The following NEDD9 variants were observed in gnomAD, a reference collection of about 807,000 sequenced individuals.
NEDD9 encodes neural precursor cell expressed, developmentally down-regulated 9, also known as enhancer of filamentation 1.
Under a neutral mutation model 76.6 loss-of-function variants are expected in NEDD9, and 26 were observed. The ratio of observed to expected loss-of-function variants is 0.34; its 90% CI spans 0.25 to 0.47. The LOEUF is 0.47. NEDD9 is among the 20% of genes least tolerant of loss of function. NEDD9 has a pLI of 1.00. For synonymous variants in NEDD9, 392 were observed against 414.2 expected (o/e 0.95, Z 0.65); for missense variants, 937 against 1,058.5 (o/e 0.89, Z 1.59).
In NEDD9 at chr6:11,213,523, T is replaced by G. The variant is rs766380446; in HGVS notation, c.217A>C (p.Ser73Arg). ...LIGPMQETAS[S>R]HEQPASGLMQ... ...AGTCCAGAGGCAGGCTGCTCGTGAC[T>G]GGAGGCAGTCTCCTGCATGGGACCA... Residue 73 changes from serine (S) to arginine (R), a missense_variant, in exon 2 of 7, where the codon AGT (serine) becomes CGT (arginine). Transcript: ENST00000379446. The surrounding 1 kb of genome is among the most constrained non-coding windows in gnomAD (Gnocchi z 5.4). 3 of 1,614,182 alleles carry G rather than the reference T, an allele frequency of 1.9e-6. No homozygotes were observed. The highest frequency in any genetic ancestry group is 2.5e-6 in the Non-Finnish European group (3 of 1,180,036).
intron 1 of NEDD9, among the ~76,000 whole-genome samples, chr6:11,353,980 G>T (rs1462845259): frequency 6.6e-6 from 1 of 152,186 alleles, no homozygotes; most frequent in Non-Finnish European, 1.5e-5. Flanking sequence ...TTTTCATGCT[G>T]ATTAATCTAA....
Position 11,281,304 on chromosome 6 carries a change from C to T in NEDD9, c.12+24688G>A, listed in dbSNP as rs533752103. 4.6e-5 allele frequency among the ~76,000 whole-genome samples: 7 copies of T among 152,300 alleles called. No individual in the cohort carries two copies. The East Asian group carries it at 1.3e-3, about 29-fold the overall frequency. On this transcript the variant is annotated intron_variant, in intron 3 of 3. Coordinates refer to the NEDD9 transcript ENST00000397378. ...CTTCCCCAGCCCTAAAGTGTGATAT[C>T]GATTTCTATCATTCTGCCTTCCAGG...
At chr6:11,269,418 T>A (rs913737440) in intron 3 of NEDD9, among the ~76,000 whole-genome samples, 1 of 152,250 alleles carries the variant, frequency 6.6e-6, no homozygotes, top group Non-Finnish European at 1.5e-5. Context: ...TTTCATTCAC[T>A]AAACACTAAT....
intron 3 of NEDD9, among the ~76,000 whole-genome samples, chr6:11,243,127 A>G (rs373251043): frequency 3.9e-4 from 60 of 152,228 alleles, no homozygotes; most frequent in African/African-American, 1.3e-3. Context: ...TCCTTCCCCA[A>G]CACTGACCAA....
chr6:11,206,966 GA>G (rs545800427), intron 2 of NEDD9, among the ~76,000 whole-genome samples: 20 of 152,262 alleles, frequency 1.3e-4, no homozygotes, highest in African/African-American at 4.6e-4. Flanking sequence ...CCCATGTATC[GA>G]GGCAAACAAT....
At chr6:11,313,824 A>G (rs1761459307) in intron 2 of NEDD9, among the ~76,000 whole-genome samples, 2 of 152,180 alleles carry the variant, frequency 1.3e-5, no homozygotes, top group South Asian at 2.1e-4. Context: ...AGTCACGGTA[A>G]TATTTGTTTT....
At chr6:11,279,782 T>C (rs1760496676) in intron 3 of NEDD9, among the ~76,000 whole-genome samples, 1 of 152,066 alleles carries the variant, frequency 6.6e-6, no homozygotes, top group African/African-American at 2.4e-5. Context: ...AGCTCTCATC[T>C]CCTCCCGCTC....
At chr6:11,360,822 T>C (rs1303012328) in intron 1 of NEDD9, among the ~76,000 whole-genome samples, 1 of 152,206 alleles carries the variant, frequency 6.6e-6, no homozygotes, top group Non-Finnish European at 1.5e-5. Context: ...CAGGGAAGGC[T>C]ACCACTCCTT....
intron 2 of NEDD9, among the ~76,000 whole-genome samples, chr6:11,196,812 G>C (rs1758305733): frequency 1.3e-5 from 2 of 152,078 alleles, no homozygotes. Flanking sequence ...TAAATGCCAA[G>C]TCCAGTGCAG....
intron 2 of NEDD9, among the ~76,000 whole-genome samples, chr6:11,196,939 G>A (rs1178764208): frequency 6.6e-6 from 1 of 152,066 alleles, no homozygotes. Context: ...TCCTCTCCTC[G>A]GAGGAAAAGT....
rs59651160 is a variant in NEDD9, at chr6:11,199,637, C to CTTT, written c.460-5948_460-5946dup. 3.5e-4 allele frequency: 15 copies of CTTT among 43,144 alleles called. 1 individual carries two copies. The highest frequency in any genetic ancestry group is 5.9e-4 in the African/African-American group (7 of 11,852). 2.7% of individuals were successfully genotyped at this position (43,144 alleles called of 1,614,324 possible). Reference sequence around the variant, plus strand: ...AAAATGAAGAAAAGCTAGGAAAGATCTTTTTTTTTTTTTTTTTTTTTTTTT... The same window carrying CTTT: ...AAAATGAAGAAAAGCTAGGAAAGATCTTTTTTTTTTTTTTTTTTTTTTTTTTTT... On this transcript the variant is annotated intron_variant, in intron 2 of 6. Coordinates refer to ENST00000379446, the MANE Select transcript of NEDD9 (RefSeq NM_006403.4).
intron 1 of NEDD9, among the ~76,000 whole-genome samples, chr6:11,338,789 G>A (rs1346459126): frequency 6.6e-6 from 1 of 152,044 alleles, no homozygotes; most frequent in Non-Finnish European, 1.5e-5. Flanking sequence ...GGGTGTAGTG[G>A]TGTGTGCCTG....
At chr6:11,186,666 G>A (rs149330385) in intron 6 of NEDD9, among the ~76,000 whole-genome samples, 173 of 152,210 alleles carry the variant, frequency 1.1e-3, no homozygotes, top group African/African-American at 3.9e-3. Flanking sequence ...CACCCAGGCT[G>A]GAGTGCAGTG....
intron 3 of NEDD9, among the ~76,000 whole-genome samples, chr6:11,258,158 A>G (rs1475636768): frequency 6.6e-6 from 1 of 152,214 alleles, no homozygotes; most frequent in Non-Finnish European, 1.5e-5. Flanking sequence ...TTATCACAGC[A>G]TCCCATAGCA....
At chr6:11,205,525 G>T (rs1290288329) in intron 2 of NEDD9, among the ~76,000 whole-genome samples, 1 of 152,154 alleles carries the variant, frequency 6.6e-6, no homozygotes, top group African/African-American at 2.4e-5. Context: ...GGCGATTGTG[G>T]CATTGCTAAA....
intron 3 of NEDD9, among the ~76,000 whole-genome samples, chr6:11,300,244 G>A (rs533700282): frequency 2.0e-3 from 299 of 152,280 alleles, no homozygotes; most frequent in African/African-American, 6.6e-3. Flanking sequence ...ATTCGATCAA[G>A]TGGAAGAAAG....
At chr6:11,205,001 C>A (rs1225299588) in intron 2 of NEDD9, among the ~76,000 whole-genome samples, 1 of 152,150 alleles carries the variant, frequency 6.6e-6, no homozygotes, top group Non-Finnish European at 1.5e-5. Context: ...TTCTTCCTGG[C>A]CAACAGGGTA....
intron 3 of NEDD9, among the ~76,000 whole-genome samples, chr6:11,239,184 A>C (rs1056234897): frequency 3.9e-5 from 6 of 152,052 alleles, no homozygotes; most frequent in Admixed American, 6.6e-5. Context: ...ATAAAAATAA[A>C]AAAAATCTGC....
rs774643883 is a variant in NEDD9 at position 11,286,084 on chromosome 6, A to G, written c.12+19908T>C. On this transcript the variant is annotated intron_variant, in intron 3 of 3. Transcript: ENST00000397378. ...CAGACACTGGCGGAAAATGTTTACAATATATAAATCTGATAAAGTAATTGT... is the reference window on the plus strand; with the variant it reads ...CAGACACTGGCGGAAAATGTTTACAGTATATAAATCTGATAAAGTAATTGT... Among the ~76,000 whole-genome samples, 3 of 152,370 alleles carry G rather than the reference A, an allele frequency of 2.0e-5. No homozygotes were observed. The South Asian group carries it at 6.2e-4, about 32-fold the overall frequency.
Sources: allele counts gnomAD v4.1 joint callset (sites outside exome capture counted in the v4.1 genomes callset), GRCh38; gene constraint gnomAD v4.1.1; non-coding constraint Gnocchi (gnomAD v3.1); transcripts MANE v1.5; gene names NCBI Gene and HGNC (gene_info 2026-07-23, HGNC 2026-07-21).